DMD: variants seen among roughly 807,000 people sequenced by gnomAD.
DMD encodes the protein mutant dystrophin.
A neutral mutation model predicts 330.1 loss-of-function variants in DMD; 63 were observed. That is an observed-to-expected ratio of 0.19 (90% CI 0.16 to 0.24). DMD has a LOEUF of 0.24. Ranked by LOEUF, DMD falls within the 10% of genes least tolerant of loss-of-function variation. DMD has a pLI of 1.00. For synonymous variants in DMD, 1,223 were observed against 959.8 expected (o/e 1.27, Z -5.07); for missense variants, 3,344 against 2,684.1 (o/e 1.25, Z -5.43).
chrX:33,189,437 C>T (rs1490722303), intron 1 of DMD, among the ~76,000 whole-genome samples: 2 of 111,336 alleles, frequency 1.8e-5, no homozygotes, highest in Non-Finnish European at 3.8e-5. Flanking sequence ...TTTTGATGAA[C>T]TTATGCTATG....
At chrX:32,389,763 T>G in intron 31 of DMD, 89 bp from the exon 32 acceptor site, 10 of 888,087 alleles carry the variant, frequency 1.1e-5, no homozygotes, top group Non-Finnish European at 1.6e-5. Flanking sequence ...TGCCTTTATT[T>G]CTGAAGATAT....
intron 16 of DMD, among the ~76,000 whole-genome samples, chrX:32,556,304 T>C (rs764544233): frequency 1.8e-5 from 2 of 110,178 alleles, no homozygotes; most frequent in East Asian, 2.9e-4. Flanking sequence ...TATTAAAAAG[T>C]CAAAGAACAA....
At chrX:33,144,173 C>T (rs1375201956) in intron 1 of DMD, among the ~76,000 whole-genome samples, 1 of 111,267 alleles carries the variant, frequency 9.0e-6, no homozygotes, top group African/African-American at 3.3e-5. Flanking sequence ...CAAAACACAA[C>T]CTAGAAAGAC....
At position 31,943,288 on chromosome X, in the gene DMD, A is replaced by G. The variant is rs138842871; in HGVS notation, c.6615-11061T>C. ...GATACGAGAGTTCTGATATAAGAAA[A>G]TCTGTATAATCTCTATAAACCAGTG... On this transcript the variant is annotated intron_variant, in intron 45 of 78. Coordinates refer to ENST00000357033, the MANE Select transcript of DMD (RefSeq NM_004006.3). 8.4e-4 allele frequency among the ~76,000 whole-genome samples: 94 copies of G among 112,211 alleles called. 2 individuals carry two copies. The East Asian group carries it at 0.025, about 30-fold the overall frequency.
At chrX:32,886,542 G>A (rs2084591927) in intron 2 of DMD, among the ~76,000 whole-genome samples, 1 of 109,883 alleles carries the variant, frequency 9.1e-6, no homozygotes, top group South Asian at 4.0e-4. Context: ...AGTTAGCCAG[G>A]CGTGGTGGCA....
chrX:32,938,239 A>T (rs779800412), intron 2 of DMD, among the ~76,000 whole-genome samples: 1 of 111,681 alleles, frequency 9.0e-6, no homozygotes, highest in African/African-American at 3.3e-5. Context: ...ATAATATTAT[A>T]TATGAAAAGG....
At chrX:32,353,502 G>A in intron 37 of DMD, among the ~76,000 whole-genome samples, 1 of 110,856 alleles carries the variant, frequency 9.0e-6, no homozygotes, top group Non-Finnish European at 1.9e-5. Context: ...TTAATTATTG[G>A]GTAAGTTACT....
chrX:31,792,235 C>T (rs1446174213), intron 50 of DMD, among the ~76,000 whole-genome samples: 1 of 111,915 alleles, frequency 8.9e-6, no homozygotes, highest in Non-Finnish European at 1.9e-5. Flanking sequence ...TATTTTATCA[C>T]TTCATATGAG....
chrX:33,123,308 G>A (rs1286989941), intron 1 of DMD, among the ~76,000 whole-genome samples: 1 of 112,191 alleles, frequency 8.9e-6, no homozygotes, highest in African/African-American at 3.2e-5. Context: ...TCCTGTGTGT[G>A]TTTGTGTGTC....
At chrX:32,504,279 A>C (rs2044381082) in intron 18 of DMD, among the ~76,000 whole-genome samples, 1 of 112,047 alleles carries the variant, frequency 8.9e-6, no homozygotes, top group Non-Finnish European at 1.9e-5. Context: ...CATTATTGTG[A>C]ATTTTATCAC....
upstream of DMD, among the ~76,000 whole-genome samples, chrX:33,211,755 A>C (rs2051927518): frequency 8.9e-6 from 1 of 112,602 alleles, no homozygotes; most frequent in Admixed American, 9.4e-5. Flanking sequence ...AGAATAGCAC[A>C]GTGGACATAG....
At chrX:31,474,859 T>C (rs1304540610) in intron 59 of DMD, among the ~76,000 whole-genome samples, 1 of 110,689 alleles carries the variant, frequency 9.0e-6, no homozygotes, top group Admixed American at 9.7e-5. Flanking sequence ...CAAGTACACT[T>C]CTACTTTTTT....
chrX:31,884,154 A>C (rs1477693701), intron 47 of DMD, among the ~76,000 whole-genome samples: 1 of 111,917 alleles, frequency 8.9e-6, no homozygotes, highest in East Asian at 2.8e-4. Context: ...GCATATATCC[A>C]AAAGAACTGA....
intron 61 of DMD, among the ~76,000 whole-genome samples, chrX:31,335,149 T>C (rs1363020765): frequency 1.8e-5 from 2 of 112,640 alleles, no homozygotes; most frequent in Non-Finnish European, 3.7e-5. Flanking sequence ...ATAAACTTTG[T>C]TTTATTTACT....
chrX:32,780,212 A>C (rs762470645), intron 7 of DMD, among the ~76,000 whole-genome samples: 3 of 112,376 alleles, frequency 2.7e-5, no homozygotes, highest in Non-Finnish European at 3.7e-5. Context: ...TTCTAAAATT[A>C]TACGATGAAT....
intron 1 of DMD, among the ~76,000 whole-genome samples, chrX:33,315,902 GT>G (rs11410931): frequency 3.8e-5 from 4 of 106,367 alleles, no homozygotes; most frequent in Admixed American, 1.0e-4. Flanking sequence ...CAGAGGACTA[GT>G]TTTTTTTTTA....
At chrX:32,953,994 C>T (rs2091419210) in intron 2 of DMD, among the ~76,000 whole-genome samples, 1 of 111,977 alleles carries the variant, frequency 8.9e-6, no homozygotes, top group Non-Finnish European at 1.9e-5. Context: ...TTGCTCCATA[C>T]AAAGGCATGT....
In DMD at chrX:32,539,870, C is replaced by T. The variant is rs757022556; in HGVS notation, c.2168+5289G>A. ...ATGTAGTTAGGATGCAGGAAATAGC[C>T]GAGAAAGCAAGCTTACATTCTGTCT... On this transcript the variant is annotated intron_variant, in intron 17 of 78. Coordinates refer to ENST00000357033, the MANE Select transcript of DMD (RefSeq NM_004006.3). Among the ~76,000 whole-genome samples the T allele has an allele frequency of 6.3e-5, 7 of 111,162 alleles. No homozygotes were observed. The South Asian group carries it at 1.1e-3, about 18-fold the overall frequency.
chrX:33,172,902 G>A (rs963436414), intron 1 of DMD, among the ~76,000 whole-genome samples: 3 of 111,044 alleles, frequency 2.7e-5, no homozygotes, highest in Non-Finnish European at 5.7e-5. Context: ...TTGCCATAAG[G>A]TGAGACTGAT....
Sources: gnomAD v4.1 joint callset for allele counts (sites outside exome capture counted in the v4.1 genomes callset) on GRCh38, gnomAD v4.1.1 for gene constraint, MANE v1.5 for transcripts, NCBI Gene and HGNC (gene_info 2026-07-23, HGNC 2026-07-21) for gene names.